Variants in DNAJC12 observed in about 807,000 individuals in gnomAD.
The protein encoded by DNAJC12 is dnaJ homolog subfamily C member 12.
A neutral mutation model predicts 28.5 loss-of-function variants in DNAJC12; 25 were observed. The ratio of observed to expected loss-of-function variants is 0.88; its 90% CI spans 0.64 to 1.22. DNAJC12 has a LOEUF of 1.22. DNAJC12 is among the 50% of genes most tolerant of loss of function. The probability of loss-of-function intolerance (pLI) is 0.00; values close to 1 mark genes in which losing one functional copy is unlikely to be tolerated. For synonymous variants in DNAJC12, 77 were observed against 80.6 expected (o/e 0.95, Z 0.24); for missense variants, 222 against 231.7 (o/e 0.96, Z 0.27).
chr10:67,828,488 C>T (rs1328978092), intron 1 of DNAJC12, among the ~76,000 whole-genome samples: 1 of 152,092 alleles, frequency 6.6e-6, no homozygotes, highest in Non-Finnish European at 1.5e-5. Context: ...TCTGAGAACA[C>T]CTTCGAATAA....
rs1491448750 is a variant in DNAJC12, at chr10:67,819,699, G to GAAAGAAAGAAAGAAAGAAAGA, written c.157+3614_157+3615insTCTTTCTTTCTTTCTTTCTTT. On this transcript the variant is annotated intron_variant, in intron 2 of 4. Transcript: ENST00000225171. ...GAAAGAAAGAAAGAAAGAAAGAAAG[G>GAAAGAAAGAAAGAAAGAAAGA]AAGGAAGGAAGGAAGGAAGCAAGGA... Among the ~76,000 whole-genome samples the GAAAGAAAGAAAGAAAGAAAGA allele has an allele frequency of 2.3e-3, 56 of 24,574 alleles. 5 individuals carry two copies. Among genetic ancestry groups the GAAAGAAAGAAAGAAAGAAAGA allele is most frequent in the South Asian group, 5.2e-3 (3 of 578 alleles). 16.1% of individuals were successfully genotyped at this position (24,574 alleles called of 152,430 possible).
intron 1 of DNAJC12, among the ~76,000 whole-genome samples, chr10:67,826,659 T>C (rs1352968173): frequency 1.5e-5 from 2 of 130,600 alleles, no homozygotes; most frequent in African/African-American, 2.9e-5. Context: ...ATGATATATA[T>C]TATATATATC....
intron 4 of DNAJC12, among the ~76,000 whole-genome samples, chr10:67,797,859 T>G (rs1282316889): frequency 6.6e-6 from 1 of 151,840 alleles, no homozygotes; most frequent in Non-Finnish European, 1.5e-5. Flanking sequence ...GCTAACACGG[T>G]GAAACCCCGT....
chr10:67,808,516 A>T (rs1022787918), intron 3 of DNAJC12: 1 of 152,196 alleles, frequency 6.6e-6, no homozygotes, highest in African/African-American at 2.4e-5. Context: ...TCGTCTCAGC[A>T]GCACATATAC....
intron 2 of DNAJC12, among the ~76,000 whole-genome samples, chr10:67,815,251 G>A (rs1340359112): frequency 6.6e-6 from 1 of 152,136 alleles, no homozygotes; most frequent in Non-Finnish European, 1.5e-5. Context: ...GCTTACACCT[G>A]TAATCCCAGC....
chr10:67,803,949 C>T (rs533081188), intron 4 of DNAJC12, among the ~76,000 whole-genome samples: 109 of 152,294 alleles, frequency 7.2e-4, no homozygotes, highest in African/African-American at 2.4e-3. Context: ...TCATTCCCAG[C>T]AAGAAGAGAA....
At chr10:67,823,445 C>T (rs1450562490) in intron 1 of DNAJC12, 53 bp from the exon 2 acceptor site, 4 of 1,526,244 alleles carry the variant, frequency 2.6e-6, no homozygotes, top group Non-Finnish European at 2.7e-6. Context: ...CGCAGTGACT[C>T]ACGCCTATAA....
intron 2 of DNAJC12, among the ~76,000 whole-genome samples, chr10:67,817,131 T>C (rs185891261): frequency 2.0e-5 from 3 of 152,314 alleles, no homozygotes; most frequent in Admixed American, 2.0e-4. Context: ...AATGTTTACC[T>C]TGGGCTGCTA....
chr10:67,797,971 C>A (rs1278419495), intron 4 of DNAJC12, among the ~76,000 whole-genome samples: 1 of 148,526 alleles, frequency 6.7e-6, no homozygotes, highest in Non-Finnish European at 1.5e-5. Context: ...ACCCGGCATG[C>A]GGAGGTTGCA....
chr10:67,819,777 AGG>A (rs373918167), intron 2 of DNAJC12, among the ~76,000 whole-genome samples: 8,658 of 18,874 alleles, frequency 0.46, 2,062 homozygotes, highest in East Asian at 0.58. Context: ...GAAGGAAGGA[AGG>A]GGAAGGAAGG....
chr10:67,809,114 T>A (rs1254088724), intron 3 of DNAJC12, among the ~76,000 whole-genome samples: 1 of 152,226 alleles, frequency 6.6e-6, no homozygotes, highest in African/African-American at 2.4e-5. Flanking sequence ...TAACTCTTTA[T>A]AAAATTTACA....
chr10:67,798,058 A>AG (rs59866682), intron 4 of DNAJC12, among the ~76,000 whole-genome samples: 9 of 151,060 alleles, frequency 6.0e-5, no homozygotes, highest in African/African-American at 2.2e-4. Context: ...AAAAAAAAAA[A>AG]GTATAAACCT....
At chr10:67,811,420 T>G (rs1841856751) in intron 3 of DNAJC12, 104 bp downstream of exon 3, 80 of 1,541,728 alleles carry the variant, frequency 5.2e-5, no homozygotes, top group Non-Finnish European at 7.0e-5. Context: ...ACTTCTTGGT[T>G]TTCTCCCTCC....
chr10:67,828,348 G>A (rs1842058109), intron 1 of DNAJC12, among the ~76,000 whole-genome samples: 1 of 151,982 alleles, frequency 6.6e-6, no homozygotes, highest in Admixed American at 6.6e-5. Context: ...TCTATATGTA[G>A]ATCAGCTCCA....
chr10:67,813,341 T>A (rs1460031681), intron 2 of DNAJC12, among the ~76,000 whole-genome samples: 2 of 152,006 alleles, frequency 1.3e-5, no homozygotes, highest in African/African-American at 2.4e-5. Flanking sequence ...CCAGCCTAGA[T>A]GACAGAGCGA....
rs181282489 is a variant in DNAJC12, at chr10:67,797,823, G to T, written c.503-613C>A. On this transcript the variant is annotated intron_variant, in intron 4 of 4. Transcript: ENST00000225171. ...TGGGAGGCCAAGGCGGGCGGATCAC[G>T]AGGTCAGGAGATCAAGACCATCCTG... Among the ~76,000 whole-genome samples, 459 of 152,018 alleles carry T rather than the reference G, an allele frequency of 3.0e-3. 3 individuals are homozygous for T. The highest frequency in any genetic ancestry group is 0.011 in the African/African-American group (441 of 41,450).
At chr10:67,829,476 T>C (rs1842071050) in intron 1 of DNAJC12, among the ~76,000 whole-genome samples, 1 of 151,884 alleles carries the variant, frequency 6.6e-6, no homozygotes, top group Non-Finnish European at 1.5e-5. Context: ...CTGTCTCTAC[T>C]AAAAATACAA....
chr10:67,830,610 AAAATAAAT>A (rs71006172), intron 1 of DNAJC12, among the ~76,000 whole-genome samples: 23,800 of 144,726 alleles, frequency 0.16, 2,391 homozygotes, highest in East Asian at 0.51. Context: ...TCCGTCTCAA[AAAATAAAT>A]AAATAAATAA....
chr10:67,806,833 AAAAAAAG>A (rs1387564962), intron 3 of DNAJC12, among the ~76,000 whole-genome samples: 1 of 151,906 alleles, frequency 6.6e-6, no homozygotes, highest in African/African-American at 2.4e-5. Flanking sequence ...TCAAAAAAAA[AAAAAAAG>A]AAAAAGAAAT....
Sources: gnomAD v4.1 joint callset for allele counts (sites outside exome capture counted in the v4.1 genomes callset) on GRCh38, gnomAD v4.1.1 for gene constraint, MANE v1.5 for transcripts, NCBI Gene and HGNC (gene_info 2026-07-23, HGNC 2026-07-21) for gene names.